RADIL: variants seen among roughly 807,000 people sequenced by gnomAD.
RADIL encodes Rap associating with DIL domain.
In RADIL, 99 loss-of-function variants were observed where a neutral mutation model predicts 97.6. The ratio of observed to expected loss-of-function variants is 1.01; its 90% CI spans 0.86 to 1.20. The LOEUF is 1.20. RADIL is among the 50% of genes most tolerant of loss of function. RADIL has a pLI of 0.00. For synonymous variants in RADIL, 803 were observed against 691.8 expected (o/e 1.16, Z -2.52); for missense variants, 1,765 against 1,498.9 (o/e 1.18, Z -2.93).
At chr7:4,825,883 GAAAAAAAA>G (rs540147941) in intron 5 of RADIL, among the ~76,000 whole-genome samples, 31 of 51,032 alleles carry the variant, frequency 6.1e-4, no homozygotes, top group East Asian at 1.7e-3. Flanking sequence ...CTCCGTCTCA[GAAAAAAAA>G]AAAAAAAAAA....
At position 4,840,335 on chromosome 7, in the gene RADIL, T is replaced by A. The variant is rs1783408644; in HGVS notation, c.536-3730A>T. ...AGACCCAGGGCGGATCTGCCTCAACTGGGACAGAAAGTGCCCCCACTTGGC... is the reference window on the plus strand; with the variant it reads ...AGACCCAGGGCGGATCTGCCTCAACAGGGACAGAAAGTGCCCCCACTTGGC... On this transcript the variant is annotated intron_variant, in intron 2 of 14. Coordinates refer to ENST00000399583, the MANE Select transcript of RADIL (RefSeq NM_018059.5). This position sits in a 1 kb window ranked among gnomAD's most constrained non-coding sequence, Gnocchi z 5.6. Among the ~76,000 whole-genome samples the A allele has an allele frequency of 6.6e-6, 1 of 152,148 alleles. No homozygotes were observed. Among genetic ancestry groups the A allele is most frequent in the Non-Finnish European group, 1.5e-5 (1 of 68,026 alleles).
In RADIL at chr7:4,834,633, C is replaced by G; in HGVS notation, c.1390G>C (p.Ala464Pro). 1 of 1,350,240 alleles carries G rather than the reference C, an allele frequency of 7.4e-7. No individual in the cohort carries two copies. The highest frequency in any genetic ancestry group is 9.6e-7 in the Non-Finnish European group (1 of 1,043,772). The allele number at this position is 1,350,240 out of a possible 1,614,324, so 83.6% of individuals were successfully genotyped here. ...GTFGQLLLKI[A>P]RLIRETVWEK... is the part of the protein sequence containing the mutation. Reference sequence around the variant, plus strand: ...CAGACAGTCTCGCGGATCAGCCTGGCTATCTTGAGCAGGAGCTGCCCGAAT... The same window carrying G: ...CAGACAGTCTCGCGGATCAGCCTGGGTATCTTGAGCAGGAGCTGCCCGAAT... Residue 464 changes from alanine (A) to proline (P), a missense_variant, in exon 4 of 15, where the codon GCC becomes CCC. Ala to Pro is a conservative substitution (Grantham distance 27). Transcript: ENST00000399583. This position sits in a 1 kb window ranked among gnomAD's most constrained non-coding sequence, Gnocchi z 6.0.
Position 4,863,069 on chromosome 7 carries a change from C to T in RADIL, c.535+14536G>A, listed in dbSNP as rs190811018. Among the ~76,000 whole-genome samples, 215 of 152,020 alleles carry T rather than the reference C, an allele frequency of 1.4e-3. 1 individual carries two copies. The highest frequency in any genetic ancestry group is 4.5e-3 in the African/African-American group (187 of 41,310). On this transcript the variant is annotated intron_variant, in intron 2 of 14. Coordinates refer to ENST00000399583, the MANE Select transcript of RADIL (RefSeq NM_018059.5). ...TGTCTCCTGATTCTCTTCATCTAGA[C>T]ACGTTGTCAACCTTCTCACTCTGTC...
At chr7:4,802,652 G>T (rs1782141166) in intron 11 of RADIL, among the ~76,000 whole-genome samples, 1 of 127,268 alleles carries the variant, frequency 7.9e-6, no homozygotes, top group Non-Finnish European at 1.7e-5. Context: ...GCACCTCGGG[G>T]CACTCTGGCT....
At position 4,800,306 on chromosome 7, in the gene RADIL, G is replaced by C; in HGVS notation, c.2847C>G (p.Asp949Glu). The change falls in exon 13 of 15, where the codon GAC becomes GAG. Residue 949 changes from aspartate (D) to glutamate (E), a missense_variant. Physicochemically the swap from Asp to Glu is conservative, Grantham distance 45 (BLOSUM62 2). Transcript: ENST00000399583. ...SGLRGAAPEG[D>E]SAALAEESPP... is the part of the protein sequence containing the mutation. ...GGGACTCCTCCGCAAGGGCTGCAGA[G>C]TCTCCTGGGTGGGGGCCAGGAAAGG... 6.9e-7 allele frequency: 1 copy of C among 1,456,442 alleles called. No individual in the cohort carries two copies. Among genetic ancestry groups the C allele is most frequent in the African/African-American group, 1.5e-5 (1 of 68,230 alleles). The allele number at this position is 1,456,442 out of a possible 1,614,324, so 90.2% of individuals were successfully genotyped here.
intron 5 of RADIL, among the ~76,000 whole-genome samples, chr7:4,830,160 T>C (rs1783100580): frequency 6.6e-6 from 1 of 152,230 alleles, no homozygotes. Flanking sequence ...CATTTAACCA[T>C]ATCACAGACA....
intron 2 of RADIL, among the ~76,000 whole-genome samples, chr7:4,869,425 G>T (rs1248918864): frequency 1.3e-5 from 2 of 152,134 alleles, no homozygotes; most frequent in African/African-American, 2.4e-5. Context: ...GAGCCACAAT[G>T]CCCAACCACT....
At chr7:4,841,128 G>A (rs954827871) in intron 2 of RADIL, among the ~76,000 whole-genome samples, 1 of 152,236 alleles carries the variant, frequency 6.6e-6, no homozygotes, top group Non-Finnish European at 1.5e-5. Flanking sequence ...GTGGGTGAAG[G>A]AGACACCTCC....
chr7:4,860,509 A>G (rs754693483), intron 2 of RADIL: 1 of 1,614,160 alleles, frequency 6.2e-7, no homozygotes, highest in South Asian at 1.1e-5. Flanking sequence ...ACATTGTACG[A>G]AATTCTTCCA....
chr7:4,865,188 T>A (rs180984844), intron 2 of RADIL, among the ~76,000 whole-genome samples: 15 of 152,294 alleles, frequency 9.8e-5, no homozygotes, highest in African/African-American at 3.6e-4. Flanking sequence ...CTCTTGAGAG[T>A]GAATTTCCCT....
At chr7:4,827,454 G>A (rs746554614) in intron 5 of RADIL, among the ~76,000 whole-genome samples, 24 of 150,914 alleles carry the variant, frequency 1.6e-4, no homozygotes, top group Non-Finnish European at 3.2e-4. Flanking sequence ...GAGGTCAGGC[G>A]ATCAAGACCA....
At chr7:4,870,642 C>T (rs1180340118) in intron 2 of RADIL, among the ~76,000 whole-genome samples, 1 of 152,144 alleles carries the variant, frequency 6.6e-6, no homozygotes, top group East Asian at 1.9e-4. Flanking sequence ...CGGGATTTCA[C>T]CATGTTGGCC....
At position 4,836,395 on chromosome 7, in the gene RADIL, G is replaced by C. The variant is rs757759642; in HGVS notation, c.746C>G (p.Pro249Arg). The C allele has an allele frequency of 2.5e-6, 4 of 1,577,228 alleles. No homozygotes were observed. Among genetic ancestry groups the C allele is most frequent in the Middle Eastern group, 1.7e-4 (1 of 5,994 alleles). The change falls in exon 3 of 15, where the codon CCG becomes CGG. Residue 249 changes from proline to arginine, a missense_variant. Physicochemically the swap from Pro to Arg is moderately radical, Grantham distance 103. Transcript: ENST00000399583. ...GTAGCCCTGCAGAAGGAGCAGATGC[G>C]GGGACTGGTACAGCGAGTACCGCAT... ...DAMRYSLYQS[P>R]HLLLLQGYSQ...
At chr7:4,820,754 C>T (rs1283174501) in intron 6 of RADIL, among the ~76,000 whole-genome samples, 6 of 152,290 alleles carry the variant, frequency 3.9e-5, no homozygotes, top group South Asian at 2.1e-4. Flanking sequence ...GCCTGTTCCA[C>T]GCGCCCTCAG....
At chr7:4,806,566 G>A (rs1207021569) in intron 9 of RADIL, among the ~76,000 whole-genome samples, 1 of 152,236 alleles carries the variant, frequency 6.6e-6, no homozygotes, top group Non-Finnish European at 1.5e-5. Context: ...AACAGCCTCT[G>A]CGGCCCGCCA....
chr7:4,811,900 G>A (rs1375323373), intron 9 of RADIL, among the ~76,000 whole-genome samples: 1 of 150,310 alleles, frequency 6.7e-6, no homozygotes, highest in African/African-American at 2.5e-5. Context: ...TTGAGACAAG[G>A]TCTCATTTCT....
chr7:4,832,235 G>A (rs1409124917), intron 4 of RADIL, 57 bp from the exon 5 acceptor site: 10 of 1,522,442 alleles, frequency 6.6e-6, no homozygotes, highest in Admixed American at 5.4e-5. Flanking sequence ...ACACAGGGAC[G>A]CGTTCAAATA....
chr7:4,822,368 G>A lies in RADIL; in HGVS notation c.1615+26C>T. On this transcript the variant is annotated intron_variant, in intron 6 of 14. Coordinates refer to ENST00000399583, the MANE Select transcript of RADIL (RefSeq NM_018059.5). This position sits in a 1 kb window ranked among gnomAD's most constrained non-coding sequence, Gnocchi z 5.3. ...TCCCCTGCCTGGGGTGCTGGCGGGG[G>A]GAATGGAGGGCAGCGCCAGCCGTAC... The A allele has an allele frequency of 6.3e-7, 1 of 1,595,248 alleles. No homozygotes were observed. Among genetic ancestry groups the A allele is most frequent in the Non-Finnish European group, 8.5e-7 (1 of 1,171,908 alleles).
rs1478312902 is a variant in RADIL, at chr7:4,835,453, G to A, written c.784-214C>T. Among the ~76,000 whole-genome samples the A allele has an allele frequency of 6.6e-6, 1 of 152,152 alleles. No homozygotes were observed. The highest frequency in any genetic ancestry group is 1.5e-5 in the Non-Finnish European group (1 of 68,042). ...CATCCCAGAGGAGGTCGGTTTCCCG[G>A]AGGAGCACACGAGAGACCCAGGAGA... On this transcript the variant is annotated intron_variant, in intron 3 of 14. Transcript: ENST00000399583. This position sits in a 1 kb window ranked among gnomAD's most constrained non-coding sequence, Gnocchi z 5.8.
Sources: allele counts gnomAD v4.1 joint callset (sites outside exome capture counted in the v4.1 genomes callset), GRCh38; gene constraint gnomAD v4.1.1; non-coding constraint Gnocchi (gnomAD v3.1); transcripts MANE v1.5; gene names NCBI Gene and HGNC (gene_info 2026-07-23, HGNC 2026-07-21).